The following RGS6 variants were observed in gnomAD, a reference collection of about 807,000 sequenced individuals.
The protein encoded by RGS6 is regulator of G-protein signaling 6.
A neutral mutation model predicts 78.5 loss-of-function variants in RGS6; 30 were observed. That is an observed-to-expected ratio of 0.38 (90% CI 0.29 to 0.52). The LOEUF (loss-of-function observed/expected upper bound fraction) is 0.52, where lower values mean the gene tolerates loss of function less well. Among genes scored for constraint, RGS6 ranks in the 20% least tolerant of loss-of-function variants. The pLI is 0.85. For missense variants in RGS6, 495 were observed against 609.7 expected, an observed-to-expected ratio of 0.81 and a Z score of 1.98; for synonymous variants, 206 against 206.0, an observed-to-expected ratio of 1.00 and a Z score of 0.00.
At chr14:71,937,956 C>T (rs1352373367) in intron 1 of RGS6, among the ~76,000 whole-genome samples, 1 of 152,212 alleles carries the variant, frequency 6.6e-6, no homozygotes, top group Non-Finnish European at 1.5e-5. Flanking sequence ...GTGATCATAG[C>T]CAGGTCAGCC....
At chr14:72,400,831 G>C (rs1314976321) in intron 3 of RGS6, among the ~76,000 whole-genome samples, 1 of 152,172 alleles carries the variant, frequency 6.6e-6, no homozygotes, top group Non-Finnish European at 1.5e-5. Flanking sequence ...GCCCTATCCA[G>C]GTTTCCCTGG....
chr14:72,237,688 G>A (rs577144057), intron 2 of RGS6, among the ~76,000 whole-genome samples: 1 of 152,140 alleles, frequency 6.6e-6, no homozygotes, highest in Non-Finnish European at 1.5e-5. Flanking sequence ...ACTTGTGAAA[G>A]GGGTGTGGCC....
intron 2 of RGS6, among the ~76,000 whole-genome samples, chr14:72,308,518 C>G (rs1334423364): frequency 6.6e-6 from 1 of 152,222 alleles, no homozygotes; most frequent in African/African-American, 2.4e-5. Flanking sequence ...AAGGCAGGAT[C>G]TTTGACAAAT....
At chr14:72,161,371 A>T (rs990235397) in intron 2 of RGS6, among the ~76,000 whole-genome samples, 3 of 152,164 alleles carry the variant, frequency 2.0e-5, no homozygotes, top group Non-Finnish European at 2.9e-5. Flanking sequence ...GTATCCCAGA[A>T]CTTTAAAGTA....
At chr14:72,299,869 A>G (rs983786640) in intron 2 of RGS6, among the ~76,000 whole-genome samples, 2 of 152,132 alleles carry the variant, frequency 1.3e-5, no homozygotes, top group Non-Finnish European at 2.9e-5. Flanking sequence ...GATATCAGTA[A>G]TCTTCATTTC....
chr14:72,628,710 A>G, the RGS6 span, among the ~76,000 whole-genome samples: 1 of 150,972 alleles, frequency 6.6e-6, no homozygotes, highest in African/African-American at 2.4e-5. Context: ...ACACAGAAAA[A>G]GAGACAGACA....
intron 1 of RGS6, among the ~76,000 whole-genome samples, chr14:71,949,923 T>C (rs1462893079): frequency 6.6e-6 from 1 of 152,202 alleles, no homozygotes; most frequent in East Asian, 1.9e-4. Context: ...GCACCACTTA[T>C]TGAAAAATCT....
At chr14:72,365,834 C>T (rs112918305) in intron 3 of RGS6, among the ~76,000 whole-genome samples, 1,596 of 152,106 alleles carry the variant, frequency 0.01, 17 homozygotes, top group Non-Finnish European at 0.013. Flanking sequence ...GGTTCCTATA[C>T]CCAAGATAAG....
chr14:72,079,073 A>G (rs2094707723), intron 2 of RGS6, among the ~76,000 whole-genome samples: 1 of 152,120 alleles, frequency 6.6e-6, no homozygotes. Flanking sequence ...AAATTAAAGG[A>G]CACCTAGATG....
the RGS6 span, among the ~76,000 whole-genome samples, chr14:71,916,935 TA>T: frequency 6.6e-6 from 1 of 152,052 alleles, no homozygotes; most frequent in Non-Finnish European, 1.5e-5. Flanking sequence ...ATGAAAACCT[TA>T]GAGTGTACAC....
intron 2 of RGS6, among the ~76,000 whole-genome samples, chr14:72,072,936 C>T (rs938992131): frequency 2.0e-5 from 3 of 152,216 alleles, no homozygotes; most frequent in South Asian, 2.1e-4. Flanking sequence ...CTGGGGATCA[C>T]TCCCATAAGC....
At chr14:72,392,081 C>T (rs915051154) in intron 3 of RGS6, among the ~76,000 whole-genome samples, 5 of 152,036 alleles carry the variant, frequency 3.3e-5, no homozygotes, top group African/African-American at 7.3e-5. Flanking sequence ...TACAGTGGTG[C>T]AATCTCGGCT....
intron 16 of RGS6, 139 bp from the exon 17 acceptor site, chr14:72,539,902 C>T: frequency 1.4e-6 from 1 of 703,408 alleles, no homozygotes; most frequent in East Asian, 2.8e-5. Context: ...GGCTGCTTCT[C>T]TTTTCCCATT....
At chr14:72,617,266 C>T in the RGS6 span, among the ~76,000 whole-genome samples, 47 of 152,348 alleles carry the variant, frequency 3.1e-4, no homozygotes, top group African/African-American at 1.1e-3. Context: ...TATTGTGGCA[C>T]TTGGGAACAT....
At chr14:72,375,844 C>G (rs1263930655) in intron 3 of RGS6, among the ~76,000 whole-genome samples, 1 of 152,122 alleles carries the variant, frequency 6.6e-6, no homozygotes, top group African/African-American at 2.4e-5. Context: ...TGAGCCCACA[C>G]CCCAACACCC....
At position 72,459,682 on chromosome 14, in the gene RGS6, T is replaced by C. The variant is rs1213939817; in HGVS notation, c.393T>C (p.Tyr131=). 4 of 1,614,072 alleles carry C rather than the reference T, an allele frequency of 2.5e-6. No homozygotes were observed. Among genetic ancestry groups the C allele is most frequent in the Non-Finnish European group, 3.4e-6 (4 of 1,179,976 alleles). ...SNCWEPENTD[Y]AIYLCKRTMQ... Reference sequence around the variant, plus strand: ...GCTGGGAACCTGAAAACACTGACTATGGTGAGAACTGAAGCCACTGGGAAC... The same window carrying C: ...GCTGGGAACCTGAAAACACTGACTACGGTGAGAACTGAAGCCACTGGGAAC... Residue 131 remains tyrosine (Y), a splice_region_variant and synonymous_variant, in exon 6 of 18, where the codon TAT becomes TAC. Transcript: ENST00000553525.
rs2097691954 is a variant in RGS6 at position 72,562,844 on chromosome 14, G to C, written c.*377G>C. On this transcript the variant is annotated 3_prime_UTR_variant, in exon 18 of 18. Coordinates refer to ENST00000553525, the MANE Select transcript of RGS6 (RefSeq NM_001204424.2). ...TATCCTCACTCCCTCGCTGTCTGGA[G>C]ACGGTCACACCTTCTGGCAAATTCA... 8.0e-7 allele frequency: 1 copy of C among 1,248,136 alleles called. No homozygotes were observed. The highest frequency in any genetic ancestry group is 1.5e-5 in the African/African-American group (1 of 67,332). 77.3% of individuals were successfully genotyped at this position (1,248,136 alleles called of 1,614,324 possible). A position where few individuals can be genotyped will look rare whatever the true frequency, so the allele number is the denominator to read the frequency against.
At chr14:72,149,239 A>G (rs1321464190) in intron 2 of RGS6, among the ~76,000 whole-genome samples, 3 of 152,308 alleles carry the variant, frequency 2.0e-5, no homozygotes, top group Middle Eastern at 3.4e-3. Context: ...CCAGACAGAG[A>G]CTATCACCTT....
At chr14:72,088,404 C>T (rs982935718) in intron 2 of RGS6, among the ~76,000 whole-genome samples, 2 of 152,144 alleles carry the variant, frequency 1.3e-5, no homozygotes, top group South Asian at 4.1e-4. Context: ...GGTCTCAGCT[C>T]AGCGTTCACC....
Sources: gnomAD v4.1 joint callset for allele counts (sites outside exome capture counted in the v4.1 genomes callset) on GRCh38, gnomAD v4.1.1 for gene constraint, MANE v1.5 for transcripts, NCBI Gene and HGNC (gene_info 2026-07-23, HGNC 2026-07-21) for gene names.